Variants in NRG3 observed in about 807,000 individuals in gnomAD.
NRG3 encodes neuregulin 3.
Under a neutral mutation model 66.9 loss-of-function variants are expected in NRG3, and 31 were observed. The ratio of observed to expected loss-of-function variants is 0.46; its 90% CI spans 0.35 to 0.63. The LOEUF (loss-of-function observed/expected upper bound fraction) is 0.63, where lower values mean the gene tolerates loss of function less well. Ranked by LOEUF, NRG3 falls within the 20% of genes least tolerant of loss-of-function variation. The pLI is 0.00. For synonymous variants in NRG3, 393 were observed against 359.4 expected (o/e 1.09, Z -1.06); for missense variants, 910 against 878.9 (o/e 1.04, Z -0.45).
intron 1 of NRG3, among the ~76,000 whole-genome samples, chr10:82,110,714 G>A (rs2067335392): frequency 6.6e-6 from 1 of 152,066 alleles, no homozygotes; most frequent in Admixed American, 6.6e-5. Context: ...GAACAGTGTG[G>A]GGAGATGAGT....
At position 82,985,485 on chromosome 10, in the gene NRG3, C is replaced by T. The variant is rs181087769; in HGVS notation, c.1971C>T (p.Thr657=). The T allele has an allele frequency of 2.6e-5, 42 of 1,613,910 alleles. No individual in the cohort carries two copies. Among genetic ancestry groups the T allele is most frequent in the Middle Eastern group, 1.6e-4 (1 of 6,084 alleles). Residue 657 remains threonine (T), a synonymous_variant, in exon 9 of 9, where the codon ACC becomes ACT. Transcript: ENST00000372141. ...SEDYELASVE[T]EDSASENTAF... ...ACTACGAACTGGCCAGCGTAGAAAC[C>T]GAGGACAGTGCAAGCGAAAACACAG...
Position 82,098,548 on chromosome 10 carries a change from A to G in NRG3, c.823+222385A>G, listed in dbSNP as rs537117719. Among the ~76,000 whole-genome samples, 185 of 152,266 alleles carry G rather than the reference A, an allele frequency of 1.2e-3. 1 individual carries two copies. The highest frequency in any genetic ancestry group is 4.3e-3 in the African/African-American group (180 of 41,564). On this transcript the variant is annotated intron_variant, in intron 1 of 8. Coordinates refer to ENST00000372141, the MANE Select transcript of NRG3 (RefSeq NM_001010848.4). ...GGTACAGTGTAGGAGAAGACGATGG[A>G]TACACTATCTCTAGCTTCCAAGGCA...
chr10:82,209,492 T>A (rs1050112250), intron 1 of NRG3, among the ~76,000 whole-genome samples: 2 of 152,212 alleles, frequency 1.3e-5, no homozygotes, highest in Non-Finnish European at 2.9e-5. Flanking sequence ...AAAGATTATG[T>A]TTATTTAATA....
chr10:82,841,452 A>G (rs1301194521), intron 3 of NRG3, among the ~76,000 whole-genome samples: 1 of 152,356 alleles, frequency 6.6e-6, no homozygotes, highest in East Asian at 1.9e-4. Flanking sequence ...CTATAATCAC[A>G]TTATATAATC....
In NRG3 at chr10:82,603,516, C is replaced by G. The variant is rs139552307; in HGVS notation, c.954-135061C>G. ...TGGTCAACTCTAACTGTAGTGCAGT[C>G]AGAAATCCCAGTGTCCACATTTCCT... On this transcript the variant is annotated intron_variant, in intron 2 of 8. Coordinates refer to ENST00000372141, the MANE Select transcript of NRG3 (RefSeq NM_001010848.4). Among the ~76,000 whole-genome samples the G allele has an allele frequency of 6.2e-4, 94 of 152,254 alleles. No homozygotes were observed. In the East Asian group the frequency reaches 0.017, roughly 27 times the overall value.
intron 4 of NRG3, among the ~76,000 whole-genome samples, chr10:82,926,398 A>T (rs1847003070): frequency 6.6e-6 from 1 of 152,218 alleles, no homozygotes; most frequent in Non-Finnish European, 1.5e-5. Context: ...ATTGTGATGA[A>T]GTTCCACCAC....
At chr10:82,450,006 G>C (rs1391495612) in intron 2 of NRG3, among the ~76,000 whole-genome samples, 1 of 152,174 alleles carries the variant, frequency 6.6e-6, no homozygotes, top group East Asian at 1.9e-4. Flanking sequence ...TTGTTTGTTT[G>C]TTTTTAAGCA....
intron 2 of NRG3, among the ~76,000 whole-genome samples, chr10:82,529,403 T>C (rs574200060): frequency 6.6e-6 from 1 of 152,314 alleles, no homozygotes; most frequent in African/African-American, 2.4e-5. Flanking sequence ...TTGTAGAATA[T>C]GTGAGGGTAA....
chr10:81,997,341 C>G (rs1343434225), intron 1 of NRG3, among the ~76,000 whole-genome samples: 1 of 152,222 alleles, frequency 6.6e-6, no homozygotes, highest in Non-Finnish European at 1.5e-5. Context: ...TGTGCAGGGT[C>G]ACTATGGGAT....
intron 1 of NRG3, among the ~76,000 whole-genome samples, chr10:82,069,414 G>T (rs1172634454): frequency 6.6e-6 from 1 of 152,190 alleles, no homozygotes; most frequent in Non-Finnish European, 1.5e-5. Flanking sequence ...TTCTTACAAT[G>T]GGTGAGGCAC....
intron 3 of NRG3, among the ~76,000 whole-genome samples, chr10:82,749,720 G>A (rs959718264): frequency 4.7e-5 from 7 of 150,144 alleles, no homozygotes; most frequent in Non-Finnish European, 8.9e-5. Context: ...TCTTTTGTGA[G>A]TATTCCAATG....
At chr10:82,098,572 C>T (rs189986172) in intron 1 of NRG3, among the ~76,000 whole-genome samples, 3 of 152,240 alleles carry the variant, frequency 2.0e-5, no homozygotes, top group Admixed American at 1.3e-4. Context: ...GCTTCCAAGG[C>T]ATTTTCTATT....
intron 4 of NRG3, among the ~76,000 whole-genome samples, chr10:82,947,868 C>G (rs1849161578): frequency 6.6e-6 from 1 of 151,918 alleles, no homozygotes; most frequent in Non-Finnish European, 1.5e-5. Context: ...TGTATCTTGC[C>G]TTTTGATTTT....
Position 82,985,685 on chromosome 10 carries a change from A to G in NRG3, c.*80A>G, listed in dbSNP as rs921667292. 4.1e-5 allele frequency: 59 copies of G among 1,448,076 alleles called. No homozygotes were observed. The highest frequency in any genetic ancestry group is 4.9e-5 in the Non-Finnish European group (53 of 1,078,012). The allele number at this position is 1,448,076 out of a possible 1,614,324, so 89.7% of individuals were successfully genotyped here. ...AATCAAATACAAATTATTTATATGC[A>G]TTAATTTAAGAGCATCTACTTAGAA... On this transcript the variant is annotated 3_prime_UTR_variant, in exon 9 of 9. Coordinates refer to ENST00000372141, the MANE Select transcript of NRG3 (RefSeq NM_001010848.4).
chr10:81,960,943 T>C (rs1850298904), intron 1 of NRG3, among the ~76,000 whole-genome samples: 1 of 152,152 alleles, frequency 6.6e-6, no homozygotes, highest in Non-Finnish European at 1.5e-5. Context: ...ATCCTTCTTC[T>C]CTGCATGACC....
chr10:82,055,796 A>G (rs1429228025), intron 1 of NRG3, among the ~76,000 whole-genome samples: 1 of 152,164 alleles, frequency 6.6e-6, no homozygotes, highest in South Asian at 2.1e-4. Context: ...GTCGATGAGA[A>G]GGGCTGGAAC....
intron 5 of NRG3, among the ~76,000 whole-genome samples, chr10:82,952,481 G>C (rs1273059985): frequency 0.13 from 13,751 of 108,548 alleles, 868 homozygotes; most frequent in Middle Eastern, 0.25. Context: ...CTGTGTGTGT[G>C]TGTGTGTGTG....
At chr10:81,910,711 G>A (rs1272747831) in intron 1 of NRG3, among the ~76,000 whole-genome samples, 1 of 152,036 alleles carries the variant, frequency 6.6e-6, no homozygotes, top group African/African-American at 2.4e-5. Flanking sequence ...GCAGTGGCGC[G>A]ATCATAGCTC....
intron 1 of NRG3, among the ~76,000 whole-genome samples, chr10:81,894,550 C>G (rs1843337952): frequency 6.6e-6 from 1 of 152,074 alleles, no homozygotes; most frequent in Admixed American, 6.5e-5. Context: ...TTTTGAGGCA[C>G]TAGAGTTTAC....
Sources: gnomAD v4.1 joint callset for allele counts (sites outside exome capture counted in the v4.1 genomes callset) on GRCh38, gnomAD v4.1.1 for gene constraint, MANE v1.5 for transcripts, NCBI Gene and HGNC (gene_info 2026-07-23, HGNC 2026-07-21) for gene names.